MED12L: variants seen among roughly 807,000 people sequenced by gnomAD.
MED12L encodes the protein mediator complex subunit 12L, also known as mediator of RNA polymerase II transcription subunit 12-like protein.
In MED12L, 60 loss-of-function variants were observed where a neutral mutation model predicts 281.3. The ratio of observed to expected loss-of-function variants is 0.21; its 90% CI spans 0.17 to 0.26. MED12L has a LOEUF of 0.26. Among genes scored for constraint, MED12L ranks in the 10% least tolerant of loss-of-function variants. The pLI is 1.00. For missense variants in MED12L, 2,146 were observed against 2,680.9 expected, an observed-to-expected ratio of 0.80 and a Z score of 4.41; for synonymous variants, 974 against 987.2, an observed-to-expected ratio of 0.99 and a Z score of 0.25.
intron 20 of MED12L, among the ~76,000 whole-genome samples, chr3:151,357,852 C>A (rs909003291): frequency 6.6e-6 from 1 of 152,172 alleles, no homozygotes; most frequent in Non-Finnish European, 1.5e-5. Context: ...CAAATTACTT[C>A]ATTTTCAGTT....
chr3:151,247,489 A>G (rs1735828765), intron 16 of MED12L, among the ~76,000 whole-genome samples: 2 of 151,592 alleles, frequency 1.3e-5, no homozygotes, highest in South Asian at 2.1e-4. Flanking sequence ...GGAAATCATC[A>G]TTCTCAGTAA....
chr3:151,314,010 A>G (rs1460554401), intron 16 of MED12L, among the ~76,000 whole-genome samples: 2 of 152,182 alleles, frequency 1.3e-5, no homozygotes, highest in Non-Finnish European at 2.9e-5. Flanking sequence ...TTGTTTTAGT[A>G]TTAAGGATAG....
Position 151,387,967 on chromosome 3 carries a change from C to G in MED12L, c.5246C>G (p.Thr1749Arg), listed in dbSNP as rs1021367841. 2 of 1,613,956 alleles carry G rather than the reference C, an allele frequency of 1.2e-6. No homozygotes were observed. The highest frequency in any genetic ancestry group is 2.7e-5 in the African/African-American group (2 of 74,884). The change falls in exon 37 of 45, where the codon ACA becomes AGA. Residue 1749 changes from threonine to arginine, a missense_variant. Coordinates refer to ENST00000687756, the MANE Select transcript of MED12L (RefSeq NM_001393769.1). ...EEQHHLLLYH[T>R]HPMPKPRSYY... ...CAGCATCACCTCCTGCTGTATCACA[C>G]ACACCCCATGCCCAAGCCCCGCAGT...
chr3:151,271,629 T>C (rs1028498315), intron 16 of MED12L, among the ~76,000 whole-genome samples: 7 of 152,088 alleles, frequency 4.6e-5, no homozygotes, highest in Admixed American at 4.6e-4. Flanking sequence ...TTAAAATGGG[T>C]AAACAAATTG....
chr3:151,337,962 G>C, intron 16 of MED12L: 1 of 1,614,056 alleles, frequency 6.2e-7, no homozygotes, highest in Non-Finnish European at 8.5e-7. Flanking sequence ...ATAGATGAAC[G>C]GATCCAGGCA....
chr3:151,308,222 T>C (rs186154886), intron 16 of MED12L, among the ~76,000 whole-genome samples: 68 of 152,174 alleles, frequency 4.5e-4, no homozygotes, highest in Non-Finnish European at 8.2e-4. Flanking sequence ...ACTCAGTAAG[T>C]TGTAAAATTT....
chr3:151,335,347 C>T (rs1750841821), intron 16 of MED12L, among the ~76,000 whole-genome samples: 2 of 152,104 alleles, frequency 1.3e-5, no homozygotes, highest in African/African-American at 4.8e-5. Context: ...GTATCCATAA[C>T]AATTAAAAAC....
intron 5 of MED12L, among the ~76,000 whole-genome samples, chr3:151,143,606 T>C (rs1717349307): frequency 6.6e-6 from 1 of 152,180 alleles, no homozygotes; most frequent in African/African-American, 2.4e-5. Context: ...CGTTTTTCTT[T>C]TGCTCCCATT....
At chr3:151,366,995 A>G (rs1194733406) in intron 23 of MED12L, among the ~76,000 whole-genome samples, 1 of 152,222 alleles carries the variant, frequency 6.6e-6, no homozygotes, top group Non-Finnish European at 1.5e-5. Context: ...TCCTTGGCAT[A>G]TGGTGCGAAT....
chr3:151,367,470 T>G (rs1378050464), intron 23 of MED12L, among the ~76,000 whole-genome samples, 176 bp from the exon 24 acceptor site: 2 of 152,250 alleles, frequency 1.3e-5, no homozygotes, highest in African/African-American at 4.8e-5. Flanking sequence ...TTCATTGTTT[T>G]ATAAAATAGA....
In MED12L at chr3:151,385,089, G is replaced by A. The variant is rs1456674839; in HGVS notation, c.4986G>A (p.Leu1662=). The A allele has an allele frequency of 1.2e-6, 2 of 1,612,366 alleles. No individual in the cohort carries two copies. Among genetic ancestry groups the A allele is most frequent in the South Asian group, 2.2e-5 (2 of 90,808 alleles). The change falls in exon 36 of 45, where the codon TTG becomes TTA. Residue 1662 remains leucine, a synonymous_variant. Coordinates refer to ENST00000687756, the MANE Select transcript of MED12L (RefSeq NM_001393769.1). Reference sequence around the variant, plus strand: ...ACAAAGTTCGACAGTTACTACCTTTGCCGAAACAGACATGTGATGTCATCA... The same window carrying A: ...ACAAAGTTCGACAGTTACTACCTTTACCGAAACAGACATGTGATGTCATCA... The part of the protein sequence containing the change: ...SIDKVRQLLP[L]PKQTCDVITC...
Position 151,185,723 on chromosome 3 carries a change from C to T in MED12L, c.1626+262C>T, listed in dbSNP as rs898332466. Among the ~76,000 whole-genome samples, 15 of 152,116 alleles carry T rather than the reference C, an allele frequency of 9.9e-5. No homozygotes were observed. The South Asian group carries it at 3.1e-3, about 32-fold the overall frequency. ...CACAATGGCTCACACCTGTTATAAT[C>T]CTAGTTTTTTGGGAGGAGAAGGCAG... On this transcript the variant is annotated intron_variant, in intron 12 of 44. Transcript: ENST00000687756.
chr3:151,203,285 C>T (rs1430018357), intron 16 of MED12L: 2 of 151,944 alleles, frequency 1.3e-5, no homozygotes, highest in Non-Finnish European at 2.9e-5. Flanking sequence ...CTGTGGTTTG[C>T]AAGTAGTTTA....
chr3:151,395,524 C>T (rs1269561301), intron 39 of MED12L, among the ~76,000 whole-genome samples: 2 of 152,106 alleles, frequency 1.3e-5, no homozygotes, highest in Non-Finnish European at 2.9e-5. Context: ...AACACCTATG[C>T]GTCTGTACAT....
At chr3:151,167,646 TTGAG>T (rs2148989942) in intron 11 of MED12L, among the ~76,000 whole-genome samples, 1 of 152,324 alleles carries the variant, frequency 6.6e-6, no homozygotes, top group Non-Finnish European at 1.5e-5. Flanking sequence ...AAGGGACTGA[TTGAG>T]TGTGCTTTTT....
At chr3:151,171,653 G>T (rs543772343) in intron 11 of MED12L, among the ~76,000 whole-genome samples, 1 of 152,348 alleles carries the variant, frequency 6.6e-6, no homozygotes, top group South Asian at 2.1e-4. Flanking sequence ...TTCTTTGAAA[G>T]GTTGTGATGA....
chr3:151,242,732 G>T (rs1734464635), intron 16 of MED12L, among the ~76,000 whole-genome samples: 1 of 152,234 alleles, frequency 6.6e-6, no homozygotes, highest in South Asian at 2.1e-4. Flanking sequence ...AAGGAACGCA[G>T]TTCCTCACCA....
intron 2 of MED12L, among the ~76,000 whole-genome samples, chr3:151,103,605 C>T (rs887847837): frequency 1.3e-5 from 2 of 152,160 alleles, no homozygotes; most frequent in Admixed American, 6.5e-5. Flanking sequence ...TACAAAAGAT[C>T]ATAATTATAA....
intron 16 of MED12L, among the ~76,000 whole-genome samples, chr3:151,282,072 C>T (rs1742890316): frequency 6.6e-6 from 1 of 152,152 alleles, no homozygotes; most frequent in Non-Finnish European, 1.5e-5. Flanking sequence ...AAAGTAAGTA[C>T]AGAGACAACT....
Sources: allele counts gnomAD v4.1 joint callset (sites outside exome capture counted in the v4.1 genomes callset), GRCh38; gene constraint gnomAD v4.1.1; transcripts MANE v1.5; gene names NCBI Gene and HGNC (gene_info 2026-07-23, HGNC 2026-07-21).